Variants in SEZ6L2 observed in about 807,000 individuals in gnomAD.
SEZ6L2 encodes seizure related 6 homolog like 2, also known as seizure 6-like protein 2.
Under a neutral mutation model 97.0 loss-of-function variants are expected in SEZ6L2, and 44 were observed. The observed-to-expected ratio is 0.45, with a 90% CI of 0.36 to 0.58. The LOEUF is 0.58. Ranked by LOEUF, SEZ6L2 falls within the 20% of genes least tolerant of loss-of-function variation. The probability of loss-of-function intolerance (pLI) is 0.00; values close to 1 mark genes in which losing one functional copy is unlikely to be tolerated. For synonymous variants in SEZ6L2, 543 were observed against 546.1 expected (o/e 0.99, Z 0.08); for missense variants, 1,086 against 1,233.3 (o/e 0.88, Z 1.79).
At chr16:29,897,233 C>T (rs1041058657) in intron 2 of SEZ6L2, 112 bp from the exon 3 acceptor site, 66 of 974,460 alleles carry the variant, frequency 6.8e-5, no homozygotes, top group Middle Eastern at 3.3e-4. Flanking sequence ...AAAAGCCTCC[C>T]GCACAAGGTA....
Position 29,895,371 on chromosome 16 carries a change from G to A in SEZ6L2, c.741C>T (p.Asn247=). 6.2e-7 allele frequency: 1 copy of A among 1,614,146 alleles called. No homozygotes were observed. Among genetic ancestry groups the A allele is most frequent in the Non-Finnish European group, 8.5e-7 (1 of 1,180,020 alleles). The change falls in exon 5 of 18, where the codon AAC becomes AAT. Residue 247 remains asparagine (N), a synonymous_variant. Coordinates refer to ENST00000617533, the MANE Select transcript of SEZ6L2 (RefSeq NM_001243332.2). ...CTTGTCCTTCTCCAAGCATGGATGA[G>A]TTGGCCAGGAGTCGGGGGGCCAGGC... ...SPGLAPRLLA[N]SSMLGEGQVL...
intron 8 of SEZ6L2, among the ~76,000 whole-genome samples, chr16:29,884,782 G>A (rs936698219): frequency 6.6e-6 from 1 of 151,728 alleles, no homozygotes; most frequent in Non-Finnish European, 1.5e-5. Flanking sequence ...GCATGGTGGC[G>A]CATGCCTGTA....
rs1175766047 is a variant in SEZ6L2 at position 29,873,345 on chromosome 16, G to A, written c.2383C>T (p.Leu795=). The stretch of plus-strand genomic sequence containing the variant: ...AAGCCCTCATAGCAGAAGAAGCGCA[G>A]AGACTCGCCCGCCTGGTAGTGGTGC... ...YKHHYQAGES[L]RFFCYEGFEL... is the part of the protein sequence containing the mutation. The change falls in exon 14 of 18, where the codon CTG becomes TTG. Residue 795 remains leucine (L), a synonymous_variant. Coordinates refer to ENST00000617533, the MANE Select transcript of SEZ6L2 (RefSeq NM_001243332.2). The surrounding 1 kb of genome is among the most constrained non-coding windows in gnomAD (Gnocchi z 4.3). The A allele has an allele frequency of 6.2e-7, 1 of 1,614,264 alleles. No homozygotes were observed. Among genetic ancestry groups the A allele is most frequent in the Non-Finnish European group, 8.5e-7 (1 of 1,180,048 alleles).
chr16:29,896,871 C>T lies in SEZ6L2; in HGVS notation c.462G>A (p.Thr154=), dbSNP rs968031687. The T allele has an allele frequency of 2.5e-6, 4 of 1,613,814 alleles. No homozygotes were observed. The highest frequency in any genetic ancestry group is 1.3e-5 in the African/African-American group (1 of 74,898). Residue 154 remains threonine (T), a synonymous_variant, in exon 3 of 18, where the codon ACG becomes ACA. Coordinates refer to ENST00000617533, the MANE Select transcript of SEZ6L2 (RefSeq NM_001243332.2). ...CAGTTGTCGTGGTGATGATGGTGGT[C>T]GTCGTCTCCTCCTCTCCTCCCTCAG... The part of the protein sequence containing the change: ...LGPEGGEEET[T]TTIITTTTVT...
chr16:29,879,344 G>A (rs1428604494), intron 9 of SEZ6L2, among the ~76,000 whole-genome samples: 1 of 151,994 alleles, frequency 6.6e-6, no homozygotes, highest in Non-Finnish European at 1.5e-5. Context: ...TCCTGCCTCA[G>A]CCTCCTGAGT....
intron 17 of SEZ6L2, 68 bp from the exon 18 acceptor site, chr16:29,871,796 G>A (rs1424781560): frequency 3.6e-6 from 5 of 1,405,548 alleles, no homozygotes; most frequent in Non-Finnish European, 5.0e-6. Flanking sequence ...CGAATGGGAG[G>A]AGGGGCAACG....
At chr16:29,871,890 G>A (rs2067790947) in intron 17 of SEZ6L2, among the ~76,000 whole-genome samples, 162 bp from the exon 18 acceptor site, 1 of 152,122 alleles carries the variant, frequency 6.6e-6, no homozygotes, top group South Asian at 2.1e-4. Context: ...GTCGTAAAAT[G>A]ACACAAAAAT....
Position 29,881,130 on chromosome 16 carries a change from C to CA in SEZ6L2, c.1373-1067dup, listed in dbSNP as rs566356187. 4.4e-3 allele frequency among the ~76,000 whole-genome samples: 662 copies of CA among 151,990 alleles called. 9 individuals carry two copies. In the South Asian group the frequency reaches 0.074, roughly 17 times the overall value. ...GTTTAGCATTCACTCTCCAGACTGTCAAAAAAAGTTCTAACACTCCTCATT... is the reference window on the plus strand; with the variant it reads ...GTTTAGCATTCACTCTCCAGACTGTCAAAAAAAAGTTCTAACACTCCTCATT... On this transcript the variant is annotated intron_variant, in intron 8 of 17. Transcript: ENST00000617533.
At chr16:29,884,743 A>T (rs1322602650) in intron 8 of SEZ6L2, among the ~76,000 whole-genome samples, 1 of 146,564 alleles carries the variant, frequency 6.8e-6, no homozygotes, top group Non-Finnish European at 1.5e-5. Flanking sequence ...GAGAAACCCC[A>T]TTTTTACTAA....
Position 29,897,030 on chromosome 16 carries a change from C to T in SEZ6L2, c.303G>A (p.Gly101=). 6.3e-7 allele frequency: 1 copy of T among 1,580,794 alleles called. No individual in the cohort carries two copies. The highest frequency in any genetic ancestry group is 8.6e-7 in the Non-Finnish European group (1 of 1,169,366). Residue 101 remains glycine, a synonymous_variant, in exon 3 of 18, where the codon GGG becomes GGA. Transcript: ENST00000617533. ...TAGGGGTGACGGCTGTTGTCAGAGG[C>T]CCTGTCCCCGGCTCAGTGGCCCGTG... ...SLPRATEPGT[G]PLTTAVTPNG...
chr16:29,887,836 TA>T lies in SEZ6L2; in HGVS notation c.1040-20del, dbSNP rs761382548. On this transcript the variant is annotated intron_variant, in intron 6 of 17. Transcript: ENST00000617533. ...CAGGATGCTGTGGGCAGAGGAGGGG[TA>T]CGTTAAGGCCAGCCTGAGGTGAACT... 1 of 1,612,036 alleles carries T rather than the reference TA, an allele frequency of 6.2e-7. No individual in the cohort carries two copies.
At chr16:29,890,924 T>C (rs1469475182) in intron 5 of SEZ6L2, among the ~76,000 whole-genome samples, 5 of 150,978 alleles carry the variant, frequency 3.3e-5, no homozygotes, top group African/African-American at 1.2e-4. Flanking sequence ...AATTTTGGTA[T>C]TTTTATTATT....
intron 12 of SEZ6L2, among the ~76,000 whole-genome samples, chr16:29,875,486 C>T (rs2067883159): frequency 1.3e-5 from 2 of 152,130 alleles, no homozygotes; most frequent in Admixed American, 6.5e-5. Context: ...GGGCGGGAAG[C>T]TTTGTCCAGC....
Position 29,872,717 on chromosome 16 carries a change from G to A in SEZ6L2, c.2515C>T (p.Arg839Ter), listed in dbSNP as rs376358723. The A allele has an allele frequency of 6.2e-6, 10 of 1,613,180 alleles. No individual in the cohort carries two copies. Among genetic ancestry groups the A allele is most frequent in the Non-Finnish European group, 6.8e-6 (8 of 1,179,810 alleles). The change falls in exon 15 of 18, where the codon CGA becomes TGA. Residue 839 changes from arginine to a stop codon, truncating the protein, a stop_gained. Transcript: ENST00000617533. LOFTEE classifies it high-confidence loss of function. ...TGCTCTCACTGACCTTCCAGTTTTC[G>A]GTTGTCCAGGAGCTCCTCATAGGCA... Reference protein sequence around the residue: ...KVAYEELLDNRKLEVTQTTDP... With the variant: ...KVAYEELLDN
At chr16:29,872,620 C>T (rs1043133592) in intron 15 of SEZ6L2, 85 bp downstream of exon 15, 22 of 1,595,986 alleles carry the variant, frequency 1.4e-5, no homozygotes, top group Non-Finnish European at 1.8e-5. Context: ...GGGCTTCATC[C>T]CTCCAAGGCC....
intron 8 of SEZ6L2, among the ~76,000 whole-genome samples, chr16:29,883,979 G>A (rs2068079529): frequency 6.6e-6 from 1 of 151,906 alleles, no homozygotes; most frequent in African/African-American, 2.4e-5. Context: ...TTAAGGCCAA[G>A]GTGAAATGCC....
intron 1 of SEZ6L2, 127 bp from the exon 2 acceptor site, chr16:29,898,111 C>T: frequency 7.2e-7 from 1 of 1,395,176 alleles, no homozygotes; most frequent in Non-Finnish European, 9.7e-7. Context: ...TGGTCCCAGG[C>T]TCGACTGAGG....
At chr16:29,888,468 C>A in intron 6 of SEZ6L2, 72 bp downstream of exon 6, 1 of 1,505,144 alleles carries the variant, frequency 6.6e-7, no homozygotes, top group Non-Finnish European at 9.1e-7. Context: ...GACACCTGGA[C>A]ACCCCCGAGA....
rs948987398 is a variant in SEZ6L2, at chr16:29,879,934, C to T, written c.1503G>A (p.Gly501=). The change falls in exon 9 of 18, where the codon GGG becomes GGA. Residue 501 remains glycine, a synonymous_variant. Coordinates refer to ENST00000617533, the MANE Select transcript of SEZ6L2 (RefSeq NM_001243332.2). ...CCACACATTCGATGGCATTGGGGGG[C>T]CCAGGGGGCTCCAGGGCATATCCTG... ...CLPGYALEPP[G]PPNAIECVDP... 1.2e-6 allele frequency: 2 copies of T among 1,614,086 alleles called. No individual in the cohort carries two copies. The highest frequency in any genetic ancestry group is 1.3e-5 in the African/African-American group (1 of 75,052).
Sources: allele counts gnomAD v4.1 joint callset (sites outside exome capture counted in the v4.1 genomes callset), GRCh38; gene constraint gnomAD v4.1.1; non-coding constraint Gnocchi (gnomAD v3.1); transcripts MANE v1.5; gene names NCBI Gene and HGNC (gene_info 2026-07-23, HGNC 2026-07-21).